Variants in EXOC2 observed in about 807,000 individuals in gnomAD.
The protein encoded by EXOC2 is SEC5-like 1.
A neutral mutation model predicts 131.8 loss-of-function variants in EXOC2; 70 were observed. The ratio of observed to expected loss-of-function variants is 0.53; its 90% CI spans 0.44 to 0.65. The LOEUF is 0.65. EXOC2 is among the 30% of genes least tolerant of loss of function. The pLI, the probability that EXOC2 is intolerant of heterozygous loss-of-function variation, is 0.00. For missense variants in EXOC2, 923 were observed against 1,108.6 expected (o/e 0.83, Z 2.38); for synonymous variants, 411 against 398.4 (o/e 1.03, Z -0.38).
rs1762989978 is a variant in EXOC2 at position 485,361 on chromosome 6, A to G, written c.*1310T>C. The G allele has an allele frequency of 6.6e-6, 1 of 152,210 alleles. No homozygotes were observed. The highest frequency in any genetic ancestry group is 6.5e-5 in the Admixed American group (1 of 15,288). 9.4% of individuals were successfully genotyped at this position (152,210 alleles called of 1,614,324 possible). A position where few individuals can be genotyped will look rare whatever the true frequency, so the allele number is the denominator to read the frequency against. On this transcript the variant is annotated 3_prime_UTR_variant, in exon 28 of 28. Transcript: ENST00000230449. ...TCCAGTTACCATGATGTCCCCCCAT[A>G]CACCAAATGAACCAACACATTTATT...
intron 1 of EXOC2, among the ~76,000 whole-genome samples, chr6:653,639 AT>A (rs1356359351): frequency 6.6e-6 from 1 of 152,268 alleles, no homozygotes; most frequent in Non-Finnish European, 1.5e-5. Flanking sequence ...TTTCCAGAAC[AT>A]AAAAATGCAA....
chr6:619,551 GA>G lies in EXOC2; in HGVS notation c.423-9del. On this transcript the variant is annotated splice_polypyrimidine_tract_variant and intron_variant, in intron 4 of 27. Transcript: ENST00000230449. Reference sequence around the variant, plus strand: ...TTCTGCGAAAATTTACTTCTGAGGGGAAAAAACGTTTAAAATATATTTCAAT... The same window carrying G: ...TTCTGCGAAAATTTACTTCTGAGGGGAAAAACGTTTAAAATATATTTCAAT... 1.3e-6 allele frequency: 2 copies of G among 1,588,784 alleles called. No homozygotes were observed. The highest frequency in any genetic ancestry group is 1.7e-6 in the Non-Finnish European group (2 of 1,158,946).
rs374257836 is a variant in EXOC2 at position 625,847 on chromosome 6, G to T, written c.422+3988C>A. ...GACTCTTCTAGACAGCCATTCCCAG[G>T]TAATAAGTCACAAAAACAGTTGAGA... is the stretch of plus-strand genomic sequence containing the variant. On this transcript the variant is annotated intron_variant, in intron 4 of 27. Coordinates refer to ENST00000230449, the MANE Select transcript of EXOC2 (RefSeq NM_018303.6). 8.5e-5 allele frequency among the ~76,000 whole-genome samples: 13 copies of T among 152,064 alleles called. No individual in the cohort carries two copies. The South Asian group carries it at 2.3e-3, about 27-fold the overall frequency.
intron 17 of EXOC2, among the ~76,000 whole-genome samples, chr6:561,350 C>T (rs530312441): frequency 1.3e-5 from 2 of 152,264 alleles, no homozygotes; most frequent in African/African-American, 4.8e-5. Context: ...AGAAAGCCAA[C>T]TTTTAGGGGC....
At chr6:616,749 TTTAA>T (rs1260485274) in intron 6 of EXOC2, among the ~76,000 whole-genome samples, 1 of 151,734 alleles carries the variant, frequency 6.6e-6, no homozygotes, top group Non-Finnish European at 1.5e-5. Flanking sequence ...TATTTATTTA[TTTAA>T]TTTATTTAGA....
At chr6:528,136 C>G (rs1765853654) in intron 23 of EXOC2, among the ~76,000 whole-genome samples, 1 of 151,828 alleles carries the variant, frequency 6.6e-6, no homozygotes, top group African/African-American at 2.4e-5. Flanking sequence ...ATTTAAATAC[C>G]CAACGGTAAG....
rs1199426761 is a variant in EXOC2, at chr6:653,999, A to G, written c.-43-16138T>C. Among the ~76,000 whole-genome samples, 4 of 152,246 alleles carry G rather than the reference A, an allele frequency of 2.6e-5. No individual in the cohort carries two copies. In the East Asian group the frequency reaches 5.8e-4, roughly 22 times the overall value. ...CTATCAATAGAACAACAGAGCCTACATGACAGCACATCTGTTTACAGCATC... is the reference window on the plus strand; with the variant it reads ...CTATCAATAGAACAACAGAGCCTACGTGACAGCACATCTGTTTACAGCATC... On this transcript the variant is annotated intron_variant, in intron 1 of 27. Transcript: ENST00000230449.
rs146021282 is a variant in EXOC2, at chr6:564,015, C to A, written c.1789+18G>T. 1 of 1,611,812 alleles carries A rather than the reference C, an allele frequency of 6.2e-7. No homozygotes were observed. The highest frequency in any genetic ancestry group is 1.3e-5 in the African/African-American group (1 of 74,914). On this transcript the variant is annotated intron_variant, in intron 16 of 27. Transcript: ENST00000230449. ...ATAATCATTGCACAGTGAACGTCACCGATTTATCAAAACACACCTTCCGCC... is the reference window on the plus strand; with the variant it reads ...ATAATCATTGCACAGTGAACGTCACAGATTTATCAAAACACACCTTCCGCC...
chr6:527,904 T>TA (rs5873758), intron 23 of EXOC2, among the ~76,000 whole-genome samples: 136,115 of 150,448 alleles, frequency 0.9, 61,119 homozygotes, highest in East Asian at 0.97. Context: ...AAAACTTAAA[T>TA]AATACTTTTT....
rs35770122 is a variant in EXOC2 at position 598,095 on chromosome 6, T to C, written c.999A>G (p.Glu333=). ...KYYAEVETRI[E]ALRELLLDKL... ...TATCCAGAAGTAATTCTCTTAAAGC[T>C]TCAATCCTTGTTTCTACTTCAGCAT... Residue 333 remains glutamate, a synonymous_variant, in exon 10 of 28, where the codon GAA becomes GAG. Coordinates refer to ENST00000230449, the MANE Select transcript of EXOC2 (RefSeq NM_018303.6). 2.5e-3 allele frequency: 4,069 copies of C among 1,613,302 alleles called. 93 individuals are homozygous for C. In the African/African-American group the frequency reaches 0.047, roughly 19 times the overall value.
intron 1 of EXOC2, among the ~76,000 whole-genome samples, chr6:643,382 A>T (rs1294173123): frequency 6.6e-6 from 1 of 152,226 alleles, no homozygotes; most frequent in Non-Finnish European, 1.5e-5. Flanking sequence ...TTACAAAGGA[A>T]TCTTCGTTAG....
chr6:604,054 G>A (rs1388590825), intron 7 of EXOC2, among the ~76,000 whole-genome samples: 2 of 152,094 alleles, frequency 1.3e-5, no homozygotes, highest in South Asian at 2.1e-4. Flanking sequence ...TTTTACCCCC[G>A]TTTTATGTTG....
At chr6:529,969 A>G (rs756770179) in intron 23 of EXOC2, among the ~76,000 whole-genome samples, 8 of 152,272 alleles carry the variant, frequency 5.3e-5, no homozygotes, top group Non-Finnish European at 8.8e-5. Context: ...GAGTTTAAAT[A>G]GTTAAACAGA....
intron 27 of EXOC2, among the ~76,000 whole-genome samples, chr6:487,973 A>ATTT (rs1421725179): frequency 3.3e-5 from 5 of 152,192 alleles, no homozygotes; most frequent in Admixed American, 2.0e-4. Flanking sequence ...CTTTTATCAT[A>ATTT]TTTATTTTAA....
At chr6:489,956 G>T (rs1763326928) in intron 26 of EXOC2, among the ~76,000 whole-genome samples, 1 of 152,206 alleles carries the variant, frequency 6.6e-6, no homozygotes, top group East Asian at 1.9e-4. Flanking sequence ...GGGCGCGGTG[G>T]GGTGTGGGAC....
chr6:557,435 T>C (rs763303581), intron 17 of EXOC2, among the ~76,000 whole-genome samples: 18 of 151,814 alleles, frequency 1.2e-4, no homozygotes, highest in Non-Finnish European at 2.9e-5. Flanking sequence ...CTGGCCAACA[T>C]GGTGAAAACC....
At chr6:589,159 T>C (rs1412434232) in intron 11 of EXOC2, among the ~76,000 whole-genome samples, 1 of 152,236 alleles carries the variant, frequency 6.6e-6, no homozygotes, top group Non-Finnish European at 1.5e-5. Context: ...ATCCAGTGAA[T>C]ATGGTGACTG....
chr6:550,326 C>T (rs1347296509), intron 21 of EXOC2, among the ~76,000 whole-genome samples: 1 of 152,186 alleles, frequency 6.6e-6, no homozygotes, highest in Admixed American at 6.5e-5. Context: ...AGATAACATC[C>T]TTGAATTTAG....
chr6:508,001 T>C (rs1383037786), intron 23 of EXOC2, among the ~76,000 whole-genome samples: 1 of 152,232 alleles, frequency 6.6e-6, no homozygotes, highest in Non-Finnish European at 1.5e-5. Flanking sequence ...ATAACCACTA[T>C]TGACAGGTTA....
Sources: allele counts gnomAD v4.1 joint callset (sites outside exome capture counted in the v4.1 genomes callset), GRCh38; gene constraint gnomAD v4.1.1; transcripts MANE v1.5; gene names NCBI Gene and HGNC (gene_info 2026-07-23, HGNC 2026-07-21).